The following TSC2 variants were observed in gnomAD, a reference collection of about 807,000 sequenced individuals.
TSC2 encodes TSC complex subunit 2.
In TSC2, 29 loss-of-function variants were observed where a neutral mutation model predicts 202.2. That is an observed-to-expected ratio of 0.14 (90% CI 0.11 to 0.20). The LOEUF is 0.20. TSC2 is among the 10% of genes least tolerant of loss of function. The pLI is 1.00. For missense variants in TSC2, 2,429 were observed against 2,420.0 expected (o/e 1.00, Z -0.08); for synonymous variants, 1,349 against 1,044.0 (o/e 1.29, Z -5.63).
In TSC2 at chr16:2,050,789, A is replaced by G. The variant is rs563154465; in HGVS notation, c.225+303A>G. Among the ~76,000 whole-genome samples, 4 of 151,492 alleles carry G rather than the reference A, an allele frequency of 2.6e-5. No individual in the cohort carries two copies. The South Asian group carries it at 8.4e-4, about 32-fold the overall frequency. ...TTTTTAGTAGAGACGGGGTTTCGCC[A>G]TGTTGGCCAGGCTGGTCTTGAACTC... On this transcript the variant is annotated intron_variant, in intron 3 of 41. Coordinates refer to ENST00000219476, the MANE Select transcript of TSC2 (RefSeq NM_000548.5).
chr16:2,058,561 G>T (rs1256218387), intron 9 of TSC2, among the ~76,000 whole-genome samples, 186 bp from the exon 10 acceptor site: 1 of 152,224 alleles, frequency 6.6e-6, no homozygotes, highest in Admixed American at 6.5e-5. Context: ...TGCCGCCTGT[G>T]CGCAGGAGTG....
chr16:2,071,803 G>A lies in TSC2; in HGVS notation c.1966G>A (p.Glu656Lys), dbSNP rs2151304208. The change falls in exon 19 of 42, where the codon GAG (glutamate) becomes AAG (lysine). Residue 656 changes from glutamate (E) to lysine (K), a missense_variant. Glu to Lys is a moderately conservative substitution (Grantham distance 56). Transcript: ENST00000219476. ...CDYMEPERGS[E>K]KKTSGPLSPP... is the part of the protein sequence containing the mutation. ...CTGCAGGGAGCCAGAGAGAGGCTCTGAGAAGAAGACCAGCGGCCCCCTTTC... is the reference window on the plus strand; with the variant it reads ...CTGCAGGGAGCCAGAGAGAGGCTCTAAGAAGAAGACCAGCGGCCCCCTTTC... The A allele has an allele frequency of 1.9e-6, 3 of 1,606,054 alleles. No homozygotes were observed. The highest frequency in any genetic ancestry group is 2.5e-6 in the Non-Finnish European group (3 of 1,177,118).
At position 2,079,521 on chromosome 16, in the gene TSC2, A is replaced by G. The variant is rs1596385294; in HGVS notation, c.3285-36A>G. 1 of 1,605,528 alleles carries G rather than the reference A, an allele frequency of 6.2e-7. No individual in the cohort carries two copies. The highest frequency in any genetic ancestry group is 1.3e-5 in the African/African-American group (1 of 74,900). ...GTGGCACCCTCGTACCAGCCTGGGG[A>G]CTAAGTCCACCCTGTGCGTGGGATT... On this transcript the variant is annotated intron_variant, in intron 28 of 41. Coordinates refer to ENST00000219476, the MANE Select transcript of TSC2 (RefSeq NM_000548.5). This position sits in a 1 kb window ranked among gnomAD's most constrained non-coding sequence, Gnocchi z 4.6.
At chr16:2,086,482 A>G in intron 37 of TSC2, 103 bp downstream of exon 37, 1 of 1,499,188 alleles carries the variant, frequency 6.7e-7, no homozygotes, top group East Asian at 2.5e-5. Flanking sequence ...TGGCACCCCC[A>G]CCTGCTCCAG....
chr16:2,054,101 C>T (rs900737211), intron 4 of TSC2, 195 bp from the exon 5 acceptor site: 3 of 802,472 alleles, frequency 3.7e-6, no homozygotes, highest in South Asian at 1.7e-5. Context: ...ATACGCCGCT[C>T]TGCGGTCGGC....
At chr16:2,087,760 C>A in intron 38 of TSC2, 103 bp from the exon 39 acceptor site, 1 of 1,391,552 alleles carries the variant, frequency 7.2e-7, no homozygotes, top group Non-Finnish European at 1.0e-6. Flanking sequence ...GCAGATGCTG[C>A]CCATGGAGCT....
chr16:2,048,735 C>A lies in TSC2; in HGVS notation c.120C>A (p.Ile40=). 1.2e-6 allele frequency: 2 copies of A among 1,614,062 alleles called. No homozygotes were observed. Among genetic ancestry groups the A allele is most frequent in the Non-Finnish European group, 1.7e-6 (2 of 1,180,018 alleles). Residue 40 remains isoleucine (I), a synonymous_variant, in exon 2 of 42, where the codon ATC becomes ATA. Coordinates refer to ENST00000219476, the MANE Select transcript of TSC2 (RefSeq NM_000548.5). ...SAEGKQTEFI[I]TAEILRELSM... The stretch of plus-strand genomic sequence containing the variant: ...AGGGTAAACAGACGGAGTTTATCAT[C>A]ACCGCGGAAATACTGAGAGTGAGTG...
chr16:2,072,741 C>T (rs1286595925), intron 20 of TSC2, 108 bp from the exon 21 acceptor site: 3 of 1,576,892 alleles, frequency 1.9e-6, no homozygotes, highest in Non-Finnish European at 2.6e-6. Context: ...CTCCCCAGCC[C>T]CTTTGCCCCC....
At position 2,061,778 on chromosome 16, in the gene TSC2, T is replaced by C. The variant is rs17135764; in HGVS notation, c.1120-93T>C. The C allele has an allele frequency of 0.6, 957,492 of 1,600,276 alleles. 288,711 individuals are homozygous for C. The highest frequency in any genetic ancestry group is 0.78 in the East Asian group (35,002 of 44,694). On this transcript the variant is annotated intron_variant, in intron 11 of 41. Coordinates refer to ENST00000219476, the MANE Select transcript of TSC2 (RefSeq NM_000548.5). ...CAGAGCGGCCTGAGAGGGCTGAGGG[T>C]GTCTCCATGCGGTGGGTGTGTAGCG...
At position 2,053,351 on chromosome 16, in the gene TSC2, G is replaced by A. The variant is rs2151026169; in HGVS notation, c.235G>A (p.Glu79Lys). 1 of 1,584,820 alleles carries A rather than the reference G, an allele frequency of 6.3e-7. No homozygotes were observed. Among genetic ancestry groups the A allele is most frequent in the Non-Finnish European group, 8.6e-7 (1 of 1,166,632 alleles). ...KTKKFEEHAV[E>K]ALWKAVADLL... ...CCTCTGCTGGTGACAGCACGCAGTG[G>A]AAGCACTCTGGAAGGCGGTCGCGGA... Residue 79 changes from glutamate (E) to lysine (K), a missense_variant, in exon 4 of 42, where the codon GAA (glutamate) becomes AAA (lysine). Physicochemically the swap from Glu to Lys is moderately conservative, Grantham distance 56. Transcript: ENST00000219476.
chr16:2,088,365 G>T, intron 41 of TSC2, 40 bp downstream of exon 41: 2 of 1,612,316 alleles, frequency 1.2e-6, no homozygotes, highest in Non-Finnish European at 1.7e-6. Context: ...TGTGCTGGCT[G>T]CCCAAGCTGT....
At chr16:2,069,959 C>T (rs1048488263) in intron 16 of TSC2, among the ~76,000 whole-genome samples, 3 of 152,196 alleles carry the variant, frequency 2.0e-5, no homozygotes, top group Non-Finnish European at 2.9e-5. Flanking sequence ...AGGTGTTAAT[C>T]ATTTCTTTAA....
At chr16:2,076,414 G>T in intron 24 of TSC2, 77 bp from the exon 25 acceptor site, 6 of 1,595,904 alleles carry the variant, frequency 3.8e-6, no homozygotes, top group South Asian at 1.1e-5. Context: ...CCTGGCCAGG[G>T]GGCACCCGGC....
chr16:2,086,179 C>A lies in TSC2; in HGVS notation c.4663-14C>A, dbSNP rs397515174. On this transcript the variant is annotated splice_polypyrimidine_tract_variant and intron_variant, in intron 36 of 41. Coordinates refer to ENST00000219476, the MANE Select transcript of TSC2 (RefSeq NM_000548.5). ...CGGGAGTGATGCCACCCTGCCTCTCCCCTCTCCCCACAGAGCAACAGCGAG... is the reference window on the plus strand; with the variant it reads ...CGGGAGTGATGCCACCCTGCCTCTCACCTCTCCCCACAGAGCAACAGCGAG... 6.2e-7 allele frequency: 1 copy of A among 1,611,692 alleles called. No individual in the cohort carries two copies. The highest frequency in any genetic ancestry group is 2.2e-5 in the East Asian group (1 of 44,848).
rs1555440048 is a variant in TSC2, at chr16:2,088,065, G to A, written c.5086G>A (p.Asp1696Asn). 6.8e-6 allele frequency: 11 copies of A among 1,612,784 alleles called. No homozygotes were observed. The highest frequency in any genetic ancestry group is 9.3e-6 in the Non-Finnish European group (11 of 1,180,006). Residue 1696 changes from aspartate (D) to asparagine (N), a missense_variant, in exon 40 of 42, where the codon GAC becomes AAC. Transcript: ENST00000219476. ...QCRKDMEGLV[D>N]TSVAKIVSDR... ...CTCCCCAGACATGGAGGGCCTTGTG[G>A]ACACCAGCGTGGCCAAGATCGTGTC... is the stretch of plus-strand genomic sequence containing the variant.
chr16:2,088,598 C>G lies in TSC2; in HGVS notation c.5412C>G (p.Thr1804=). 6.2e-7 allele frequency: 1 copy of G among 1,604,894 alleles called. No homozygotes were observed. Among genetic ancestry groups the G allele is most frequent in the Non-Finnish European group, 8.5e-7 (1 of 1,179,746 alleles). Residue 1804 remains threonine (T), a synonymous_variant, in exon 42 of 42, where the codon ACC becomes ACG. Transcript: ENST00000219476. ...TCATCTCCTCGGTGGAGGACTTCAC[C>G]GAGTTTGTGTGAGGCCGGGGCCCTC... ...KRLISSVEDF[T]EFV
chr16:2,049,894 G>GA (rs541711410), intron 2 of TSC2, among the ~76,000 whole-genome samples: 1 of 149,814 alleles, frequency 6.7e-6, no homozygotes, highest in Non-Finnish European at 1.5e-5. Flanking sequence ...TTGCAGTTGT[G>GA]AAAAAAAATT....
chr16:2,067,049 G>A (rs1243371272), intron 16 of TSC2, among the ~76,000 whole-genome samples: 1 of 152,054 alleles, frequency 6.6e-6, no homozygotes, highest in African/African-American at 2.4e-5. Context: ...GAATCAGTTT[G>A]CTCAAAAGCT....
At chr16:2,054,762 G>A (rs1024978247) in intron 5 of TSC2, 5 of 457,254 alleles carry the variant, frequency 1.1e-5, no homozygotes, top group Admixed American at 3.4e-5. Flanking sequence ...GGTCTCAACC[G>A]GAGCGTACTG....
Sources: allele counts gnomAD v4.1 joint callset (sites outside exome capture counted in the v4.1 genomes callset), GRCh38; gene constraint gnomAD v4.1.1; non-coding constraint Gnocchi (gnomAD v3.1); transcripts MANE v1.5; gene names NCBI Gene and HGNC (gene_info 2026-07-23, HGNC 2026-07-21).